The following PPARGC1A variants were observed in gnomAD, a reference collection of about 807,000 sequenced individuals.
PPARGC1A encodes peroxisome proliferator-activated receptor gamma coactivator 1-alpha.
In PPARGC1A, 25 loss-of-function variants were observed where a neutral mutation model predicts 88.7. The ratio of observed to expected loss-of-function variants is 0.28; its 90% CI spans 0.21 to 0.39. The LOEUF is 0.39. PPARGC1A is among the 10% of genes least tolerant of loss of function. The pLI, the probability that PPARGC1A is intolerant of heterozygous loss-of-function variation, is 1.00. For synonymous variants in PPARGC1A, 363 were observed against 355.6 expected, an observed-to-expected ratio of 1.02 and a Z score of -0.24; for missense variants, 880 against 968.7, an observed-to-expected ratio of 0.91 and a Z score of 1.22.
chr4:23,938,525 T>C, the PPARGC1A span, among the ~76,000 whole-genome samples: 21 of 152,176 alleles, frequency 1.4e-4, no homozygotes, highest in Admixed American at 1.4e-3. Flanking sequence ...CAAGACTGTT[T>C]AAGATGTACA....
At chr4:24,323,726 C>T in the PPARGC1A span, among the ~76,000 whole-genome samples, 1 of 152,204 alleles carries the variant, frequency 6.6e-6, no homozygotes, top group Non-Finnish European at 1.5e-5. Flanking sequence ...AGTTTGGTGT[C>T]GTGACTCGGA....
At chr4:24,311,659 C>A in the PPARGC1A span, among the ~76,000 whole-genome samples, 4 of 151,756 alleles carry the variant, frequency 2.6e-5, no homozygotes, top group East Asian at 3.9e-4. Flanking sequence ...AATAATAATT[C>A]TTTTCTTAAA....
chr4:23,994,059 A>T, the PPARGC1A span, among the ~76,000 whole-genome samples: 29 of 152,192 alleles, frequency 1.9e-4, 1 homozygote, highest in African/African-American at 6.3e-4. Context: ...TGGAAATAAA[A>T]TGTCCCAGCC....
At chr4:24,318,838 T>C in the PPARGC1A span, among the ~76,000 whole-genome samples, 367 of 152,232 alleles carry the variant, frequency 2.4e-3, 1 homozygote, top group African/African-American at 8.0e-3. Flanking sequence ...AAAAAACAGA[T>C]AACAAAATAC....
the PPARGC1A span, among the ~76,000 whole-genome samples, chr4:24,071,504 T>G: frequency 1.3e-5 from 2 of 152,066 alleles, no homozygotes; most frequent in South Asian, 2.1e-4. Context: ...TGCTTTTTTT[T>G]TCTGCCAATC....
the PPARGC1A span, among the ~76,000 whole-genome samples, chr4:24,193,050 T>C: frequency 1.3e-5 from 2 of 152,236 alleles, no homozygotes; most frequent in African/African-American, 4.8e-5. Flanking sequence ...TTACTGAGTC[T>C]ATAAATGCAA....
chr4:23,935,642 C>G, the PPARGC1A span, among the ~76,000 whole-genome samples: 1 of 152,124 alleles, frequency 6.6e-6, no homozygotes, highest in Non-Finnish European at 1.5e-5. Flanking sequence ...TTACCAGTAT[C>G]TTATTTTATT....
the PPARGC1A span, among the ~76,000 whole-genome samples, chr4:24,292,260 C>A: frequency 6.6e-6 from 1 of 152,054 alleles, no homozygotes; most frequent in Non-Finnish European, 1.5e-5. Flanking sequence ...AGAACTCTCG[C>A]GGGTTGCTTC....
chr4:24,190,070 G>A, the PPARGC1A span, among the ~76,000 whole-genome samples: 1 of 152,170 alleles, frequency 6.6e-6, no homozygotes, highest in Non-Finnish European at 1.5e-5. Context: ...TGCTTGAAAT[G>A]TCTAGGGTTT....
chr4:23,916,284 G>A, the PPARGC1A span, among the ~76,000 whole-genome samples: 1 of 152,142 alleles, frequency 6.6e-6, no homozygotes, highest in African/African-American at 2.4e-5. Flanking sequence ...ATGTGATAAT[G>A]TGCTTAGGTG....
the PPARGC1A span, among the ~76,000 whole-genome samples, chr4:24,068,953 A>ATTCC: frequency 1.3e-5 from 2 of 152,328 alleles, no homozygotes; most frequent in Non-Finnish European, 2.9e-5. Context: ...TGAAATGAGC[A>ATTCC]TGGAATTAGG....
chr4:24,325,262 G>A, the PPARGC1A span, among the ~76,000 whole-genome samples: 2 of 151,788 alleles, frequency 1.3e-5, no homozygotes, highest in African/African-American at 2.4e-5. Context: ...ATCTGCTCCC[G>A]ACATTAAATA....
chr4:24,228,176 G>T, the PPARGC1A span, among the ~76,000 whole-genome samples: 44 of 152,222 alleles, frequency 2.9e-4, no homozygotes, highest in African/African-American at 1.1e-3. Flanking sequence ...TTACAGTGAT[G>T]GGCCATTTGC....
chr4:24,442,354 G>A, the PPARGC1A span, among the ~76,000 whole-genome samples: 1 of 152,004 alleles, frequency 6.6e-6, no homozygotes, highest in African/African-American at 2.4e-5. Flanking sequence ...TTAGCAGTAA[G>A]GGGAAAAAAA....
At chr4:24,153,811 G>A in the PPARGC1A span, among the ~76,000 whole-genome samples, 1 of 152,054 alleles carries the variant, frequency 6.6e-6, no homozygotes, top group Admixed American at 6.6e-5. Context: ...ACTGCAAGTT[G>A]GAAACAACAC....
intron 10 of PPARGC1A, among the ~76,000 whole-genome samples, chr4:23,812,279 G>A (rs941119188): frequency 6.6e-6 from 1 of 151,888 alleles, no homozygotes; most frequent in African/African-American, 2.4e-5. Context: ...TTCCTCCACT[G>A]CTCCTTTAAA....
the PPARGC1A span, among the ~76,000 whole-genome samples, chr4:24,206,839 TTAAAAAA>T: frequency 1.8e-5 from 1 of 54,240 alleles, no homozygotes; most frequent in Non-Finnish European, 3.0e-5. Context: ...AGACTTCACC[TTAAAAAA>T]AAAAAAAAAA....
At chr4:24,388,163 G>A in the PPARGC1A span, among the ~76,000 whole-genome samples, 1 of 147,584 alleles carries the variant, frequency 6.8e-6, no homozygotes, top group African/African-American at 2.5e-5. Context: ...ACATCAAAAA[G>A]TGGGCAAAGG....
the PPARGC1A span, among the ~76,000 whole-genome samples, chr4:24,201,467 G>C: frequency 6.6e-6 from 1 of 152,254 alleles, no homozygotes; most frequent in East Asian, 1.9e-4. Flanking sequence ...ATTGATTATT[G>C]CGGCTACTCC....
Sources: allele counts gnomAD v4.1 joint callset (sites outside exome capture counted in the v4.1 genomes callset), GRCh38; gene constraint gnomAD v4.1.1; transcripts MANE v1.5; gene names NCBI Gene and HGNC (gene_info 2026-07-23, HGNC 2026-07-21).